LRRC28: variants seen among roughly 807,000 people sequenced by gnomAD.
LRRC28 encodes the protein leucine rich repeat containing 28.
LRRC28 carries 39 observed loss-of-function variants against 45.7 expected under a neutral mutation model. The ratio of observed to expected loss-of-function variants is 0.85; its 90% CI spans 0.66 to 1.12. The LOEUF (loss-of-function observed/expected upper bound fraction) is 1.12, where lower values mean the gene tolerates loss of function less well. Among genes scored for constraint, LRRC28 ranks in the 50% most tolerant of loss-of-function variants. The probability of loss-of-function intolerance (pLI) is 0.00; values close to 1 mark genes in which losing one functional copy is unlikely to be tolerated. For synonymous variants in LRRC28, 206 were observed against 178.8 expected (o/e 1.15, Z -1.22); for missense variants, 435 against 438.5 (o/e 0.99, Z 0.07).
intron 3 of LRRC28, 82 bp downstream of exon 3, chr15:99,276,698 A>G (rs2081626556): frequency 8.8e-7 from 1 of 1,130,010 alleles, no homozygotes; most frequent in Non-Finnish European, 1.2e-6. Context: ...ATGTCATCTT[A>G]ATGTATTAAT....
At chr15:99,329,732 G>A (rs1956098510) in intron 5 of LRRC28, among the ~76,000 whole-genome samples, 1 of 152,194 alleles carries the variant, frequency 6.6e-6, no homozygotes, top group African/African-American at 2.4e-5. Context: ...CATATTCAGT[G>A]GTTGACCCAT....
chr15:99,275,030 A>T (rs1409202617), intron 2 of LRRC28, among the ~76,000 whole-genome samples: 1 of 152,190 alleles, frequency 6.6e-6, no homozygotes, highest in Admixed American at 6.5e-5. Context: ...GTTTTGACTC[A>T]GTGTGCTCCT....
intron 6 of LRRC28, 101 bp from the exon 7 acceptor site, chr15:99,352,268 A>G (rs1956905182): frequency 8.6e-6 from 7 of 813,868 alleles, no homozygotes; most frequent in Admixed American, 2.4e-5. Context: ...CTTCCAGAGT[A>G]GAAATCTTCG....
intron 5 of LRRC28, among the ~76,000 whole-genome samples, chr15:99,306,022 T>G (rs1289794592): frequency 6.6e-6 from 1 of 152,260 alleles, no homozygotes; most frequent in Non-Finnish European, 1.5e-5. Flanking sequence ...ATACTTTTGT[T>G]AAACATTTGG....
chr15:99,293,339 A>G (rs1361023125), intron 5 of LRRC28, among the ~76,000 whole-genome samples: 1 of 152,040 alleles, frequency 6.6e-6, no homozygotes. Context: ...CATGCCTGGA[A>G]TCCCAACACT....
At chr15:99,290,132 G>GC (rs1226104934) in intron 5 of LRRC28, among the ~76,000 whole-genome samples, 20 of 151,540 alleles carry the variant, frequency 1.3e-4, no homozygotes, top group Admixed American at 1.2e-3. Context: ...GTGGCATTGT[G>GC]CCTATAGTTT....
At chr15:99,266,197 G>A (rs780599222) in intron 2 of LRRC28, among the ~76,000 whole-genome samples, 1 of 152,134 alleles carries the variant, frequency 6.6e-6, no homozygotes, top group African/African-American at 2.4e-5. Flanking sequence ...AGGCACAGAT[G>A]TTCTTTCTTT....
Position 99,303,834 on chromosome 15 carries a change from C to CA in LRRC28, c.385+15894dup, listed in dbSNP as rs35704800. Among the ~76,000 whole-genome samples the CA allele has an allele frequency of 2.7e-3, 387 of 144,316 alleles. 1 individual carries two copies. Among genetic ancestry groups the CA allele is most frequent in the African/African-American group, 7.1e-3 (283 of 39,970 alleles). 94.7% of individuals were successfully genotyped at this position (144,316 alleles called of 152,430 possible). On this transcript the variant is annotated intron_variant, in intron 5 of 9. Coordinates refer to ENST00000301981, the MANE Select transcript of LRRC28 (RefSeq NM_144598.5). ...GGGGGACAAGAGTAAAACTCCATTGCAAAAAAAAAAAGAATATAAATGAAT... is the reference window on the plus strand; with the variant it reads ...GGGGGACAAGAGTAAAACTCCATTGCAAAAAAAAAAAAGAATATAAATGAAT...
intron 5 of LRRC28, among the ~76,000 whole-genome samples, chr15:99,320,049 C>T (rs777934983): frequency 2.6e-5 from 4 of 152,090 alleles, no homozygotes; most frequent in Admixed American, 6.6e-5. Flanking sequence ...TCAGGTGATC[C>T]GCCCTTCTCA....
chr15:99,387,025 T>C lies in LRRC28; in HGVS notation c.*923T>C, dbSNP rs1022397003. The C allele has an allele frequency of 6.6e-6, 1 of 152,152 alleles. No homozygotes were observed. The highest frequency in any genetic ancestry group is 1.5e-5 in the Non-Finnish European group (1 of 68,036). The allele number at this position is 152,152 out of a possible 1,614,324, so 9.4% of individuals were successfully genotyped here. ...TTATACTGACTTTGAAATATTTTTG[T>C]CACATGTGAAAGGCTTCAGCTACTT... is the stretch of plus-strand genomic sequence containing the variant. On this transcript the variant is annotated 3_prime_UTR_variant, in exon 10 of 10. Coordinates refer to ENST00000301981, the MANE Select transcript of LRRC28 (RefSeq NM_144598.5).
intron 5 of LRRC28, among the ~76,000 whole-genome samples, chr15:99,318,618 T>C (rs767113138): frequency 6.6e-5 from 10 of 152,072 alleles, no homozygotes; most frequent in Non-Finnish European, 1.5e-4. Flanking sequence ...GGCAGTAAAT[T>C]TAGAGACTTT....
At chr15:99,268,540 A>G (rs1899824114) in intron 2 of LRRC28, among the ~76,000 whole-genome samples, 1 of 152,220 alleles carries the variant, frequency 6.6e-6, no homozygotes, top group Admixed American at 6.5e-5. Context: ...CACTTTAATG[A>G]GGCACCTGTG....
rs7166659 is a variant in LRRC28 at position 99,387,186 on chromosome 15, A to T, written c.*1084A>T. 2 of 137,150 alleles carry T rather than the reference A, an allele frequency of 1.5e-5. No homozygotes were observed. Among genetic ancestry groups the T allele is most frequent in the African/African-American group, 5.4e-5 (2 of 37,030 alleles). 8.5% of individuals were successfully genotyped at this position (137,150 alleles called of 1,614,324 possible). A position where few individuals can be genotyped will look rare whatever the true frequency, so the allele number is the denominator to read the frequency against. ...CGCCATTCTCCTGCCTCAGCCTCCC[A>T]AGTAGCTGGGACCACAGGCGCCCGC... On this transcript the variant is annotated 3_prime_UTR_variant, in exon 10 of 10. Transcript: ENST00000301981.
rs398028517 is a variant in LRRC28 at position 99,289,939 on chromosome 15, CAAAAAA to C, written c.385+2007_385+2012del. On this transcript the variant is annotated intron_variant, in intron 5 of 9. Coordinates refer to ENST00000301981, the MANE Select transcript of LRRC28 (RefSeq NM_144598.5). ...TGGGCGACAGAGCAAGACTCCGTCTCAAAAAAAAAAAAAAAAAAAAAAAATGGCACC... is the reference window on the plus strand; with the variant it reads ...TGGGCGACAGAGCAAGACTCCGTCTCAAAAAAAAAAAAAAAAAATGGCACC... 3.8e-4 allele frequency among the ~76,000 whole-genome samples: 19 copies of C among 49,714 alleles called. 1 individual carries two copies. In the South Asian group the frequency reaches 0.018, roughly 47 times the overall value. The allele number at this position is 49,714 out of a possible 152,430, so 32.6% of individuals were successfully genotyped here.
intron 6 of LRRC28, chr15:99,338,377 A>G (rs1162586634): frequency 6.6e-6 from 1 of 152,436 alleles, no homozygotes; most frequent in Non-Finnish European, 1.5e-5. Flanking sequence ...AGCCTCTGGC[A>G]CTGCCTTTTT....
intron 2 of LRRC28, among the ~76,000 whole-genome samples, chr15:99,261,324 G>A (rs182213224): frequency 6.6e-6 from 1 of 152,272 alleles, no homozygotes; most frequent in African/African-American, 2.4e-5. Flanking sequence ...ATTAATAGTT[G>A]GATTGTATCC....
At chr15:99,299,722 AC>A (rs1024079473) in intron 5 of LRRC28, among the ~76,000 whole-genome samples, 2 of 151,578 alleles carry the variant, frequency 1.3e-5, no homozygotes, top group East Asian at 3.9e-4. Context: ...TTTGTTATGA[AC>A]CCCCCCACTC....
At chr15:99,376,824 T>C (rs1002585981) in intron 9 of LRRC28, among the ~76,000 whole-genome samples, 1 of 152,306 alleles carries the variant, frequency 6.6e-6, no homozygotes, top group South Asian at 2.1e-4. Flanking sequence ...GATAATTTGC[T>C]GAGAATGATG....
At chr15:99,381,541 C>A (rs1957824439) in intron 9 of LRRC28, among the ~76,000 whole-genome samples, 1 of 152,230 alleles carries the variant, frequency 6.6e-6, no homozygotes, top group Non-Finnish European at 1.5e-5. Context: ...TCGTCAAAGT[C>A]ATTCTCCATC....
Sources: allele counts gnomAD v4.1 joint callset (sites outside exome capture counted in the v4.1 genomes callset), GRCh38; gene constraint gnomAD v4.1.1; transcripts MANE v1.5; gene names NCBI Gene and HGNC (gene_info 2026-07-23, HGNC 2026-07-21).